METTL9: variants seen among roughly 807,000 people sequenced by gnomAD.
METTL9 encodes protein-L-histidine N-pros-methyltransferase.
METTL9 carries 10 observed loss-of-function variants against 36.0 expected under a neutral mutation model. The ratio of observed to expected loss-of-function variants is 0.28; its 90% confidence interval spans 0.17 to 0.47. The LOEUF (loss-of-function observed/expected upper bound fraction) is 0.47. Ranked by LOEUF, METTL9 falls within the 20% of genes least tolerant of loss-of-function variation. The probability of loss-of-function intolerance (pLI) is 0.99; values close to 1 mark genes in which losing one functional copy is unlikely to be tolerated. For missense variants in METTL9, 246 were observed against 383.5 expected, an observed-to-expected ratio of 0.64 and a Z score of 3.00; for synonymous variants, 175 against 149.7, an observed-to-expected ratio of 1.17 and a Z score of -1.23.
At chr16:21,651,480 G>A (rs1427443285) in intron 4 of METTL9, among the ~76,000 whole-genome samples, 1 of 151,534 alleles carries the variant, frequency 6.6e-6, no homozygotes, top group Non-Finnish European at 1.5e-5. Context: ...TTTTTTTCTT[G>A]TGTAGAAATG....
At chr16:21,631,793 G>A (rs1965968798) in intron 4 of METTL9, among the ~76,000 whole-genome samples, 1 of 152,178 alleles carries the variant, frequency 6.6e-6, no homozygotes, top group African/African-American at 2.4e-5. Flanking sequence ...AGGTGGTATT[G>A]GAGTGTTACA....
At chr16:21,617,453 C>T (rs944741569) in intron 2 of METTL9, among the ~76,000 whole-genome samples, 2 of 148,174 alleles carry the variant, frequency 1.3e-5, no homozygotes, top group South Asian at 2.1e-4. Flanking sequence ...TTAGGCCAGG[C>T]GCAGTGGCCC....
At position 21,612,853 on chromosome 16, in the gene METTL9, A is replaced by G. The variant is rs1965458430; in HGVS notation, c.356+18A>G. On this transcript the variant is annotated intron_variant, in intron 2 of 4. Coordinates refer to ENST00000358154, the MANE Select transcript of METTL9 (RefSeq NM_016025.5). ...ATCAATGGGTAAGTGAATCTTGGAC[A>G]TTTATTTTTTTCTTTATCCTTAGGT... The G allele has an allele frequency of 1.3e-6, 2 of 1,550,602 alleles. No homozygotes were observed. The highest frequency in any genetic ancestry group is 1.4e-5 in the African/African-American group (1 of 71,152).
intron 4 of METTL9, among the ~76,000 whole-genome samples, chr16:21,649,712 T>C (rs1966519238): frequency 6.6e-6 from 1 of 152,184 alleles, no homozygotes; most frequent in South Asian, 2.1e-4. Context: ...TATTTACACA[T>C]TTTTATTTTT....
In METTL9 at chr16:21,655,975, G is replaced by A. The variant is rs1966699178; in HGVS notation, c.*543G>A. 1 of 152,512 alleles carries A rather than the reference G, an allele frequency of 6.6e-6. No individual in the cohort carries two copies. The highest frequency in any genetic ancestry group is 2.4e-5 in the African/African-American group (1 of 41,314). The allele number at this position is 152,512 out of a possible 1,614,324, so 9.4% of individuals were successfully genotyped here. Reference sequence around the variant, plus strand: ...TTTGAATTCATATAAAGCTCCCCTAGCATTTTTTATTGGTTTGGCTTCAGG... The same window carrying A: ...TTTGAATTCATATAAAGCTCCCCTAACATTTTTTATTGGTTTGGCTTCAGG... On this transcript the variant is annotated 3_prime_UTR_variant, in exon 5 of 5. Transcript: ENST00000358154.
chr16:21,612,260 TCA>T (rs1191209229), intron 1 of METTL9: 1 of 163,664 alleles, frequency 6.1e-6, no homozygotes, highest in Non-Finnish European at 1.3e-5. Context: ...ATGTTGAATC[TCA>T]GTGAAAGAGA....
intron 4 of METTL9, chr16:21,647,316 C>A: frequency 6.2e-7 from 1 of 1,614,172 alleles, no homozygotes; most frequent in South Asian, 1.1e-5. Flanking sequence ...CTTTTGCACC[C>A]GTCCAAGCAC....
Position 21,625,090 on chromosome 16 carries a change from C to T in METTL9, c.726C>T (p.Leu242=), listed in dbSNP as rs1394989865. ...TRGRVILALV[L]PFHPYVENVG... Reference sequence around the variant, plus strand: ...GCAGGGTCATCCTTGCCCTTGTCCTCCCCTTTCATCCCTATGTGGAAAACG... The same window carrying T: ...GCAGGGTCATCCTTGCCCTTGTCCTTCCCTTTCATCCCTATGTGGAAAACG... The change falls in exon 4 of 5, where the codon CTC becomes CTT. Residue 242 remains leucine (L), a synonymous_variant. Coordinates refer to ENST00000358154, the MANE Select transcript of METTL9 (RefSeq NM_016025.5). 1 of 1,614,122 alleles carries T rather than the reference C, an allele frequency of 6.2e-7. No homozygotes were observed. Among genetic ancestry groups the T allele is most frequent in the African/African-American group, 1.3e-5 (1 of 75,036 alleles).
At chr16:21,603,941 A>G (rs1192767684) in intron 1 of METTL9, among the ~76,000 whole-genome samples, 1 of 152,234 alleles carries the variant, frequency 6.6e-6, no homozygotes, top group Non-Finnish European at 1.5e-5. Context: ...GAAGAATTCA[A>G]GAAAGAATTA....
At chr16:21,622,164 A>ATTT (rs1965720655) in intron 3 of METTL9, among the ~76,000 whole-genome samples, 1 of 9,240 alleles carries the variant, frequency 1.1e-4, no homozygotes, top group Non-Finnish European at 1.6e-4. Context: ...TTTTTTTTTG[A>ATTT]GACAGGATCT....
At chr16:21,622,644 C>T (rs1965733236) in intron 3 of METTL9, among the ~76,000 whole-genome samples, 2 of 152,174 alleles carry the variant, frequency 1.3e-5, no homozygotes, top group Non-Finnish European at 2.9e-5. Context: ...ATCAGTGGAA[C>T]TGAGTGAGTT....
intron 4 of METTL9, among the ~76,000 whole-genome samples, chr16:21,629,786 C>T (rs1479963731): frequency 6.6e-6 from 1 of 152,188 alleles, no homozygotes; most frequent in Non-Finnish European, 1.5e-5. Flanking sequence ...CCTTATCTGG[C>T]CCCACCCACA....
chr16:21,612,984 C>G, intron 2 of METTL9, 149 bp downstream of exon 2: 1 of 668,554 alleles, frequency 1.5e-6, no homozygotes, highest in Non-Finnish European at 2.4e-6. Context: ...GTCCAGCGTT[C>G]TATCTTTCTG....
chr16:21,631,598 GA>G (rs919479846), intron 4 of METTL9, among the ~76,000 whole-genome samples: 15 of 152,174 alleles, frequency 9.9e-5, no homozygotes, highest in Non-Finnish European at 4.4e-5. Context: ...AATCGCCCGG[GA>G]GGAACCATCT....
chr16:21,651,199 G>A (rs1009671287), intron 4 of METTL9, among the ~76,000 whole-genome samples: 2 of 152,156 alleles, frequency 1.3e-5, no homozygotes, highest in Admixed American at 6.5e-5. Flanking sequence ...CTCCAGCCTG[G>A]GTGACAGAGC....
chr16:21,603,024 G>A (rs1212333712), intron 1 of METTL9, among the ~76,000 whole-genome samples: 1 of 152,088 alleles, frequency 6.6e-6, no homozygotes, highest in Non-Finnish European at 1.5e-5. Flanking sequence ...GAGCTCCCTG[G>A]CTACAATAGC....
chr16:21,646,908 A>C, intron 4 of METTL9: 1 of 547,862 alleles, frequency 1.8e-6, no homozygotes. Flanking sequence ...CGTCCACCTC[A>C]GCCTCAAAGT....
chr16:21,655,051 T>C, intron 4 of METTL9, 176 bp from the exon 5 acceptor site: 1 of 619,816 alleles, frequency 1.6e-6, no homozygotes, highest in Non-Finnish European at 2.9e-6. Context: ...CTTCTGAGTC[T>C]GTTCTTTATC....
chr16:21,652,843 T>C, intron 4 of METTL9: 1 of 415,246 alleles, frequency 2.4e-6, no homozygotes, highest in Non-Finnish European at 4.3e-6. Flanking sequence ...GTTAGATGTT[T>C]CTGGGTGAGA....
Sources: allele counts gnomAD v4.1 joint callset (sites outside exome capture counted in the v4.1 genomes callset), GRCh38; gene constraint gnomAD v4.1.1; transcripts MANE v1.5; gene names NCBI Gene and HGNC (gene_info 2026-07-23, HGNC 2026-07-21).